The following ZNF140 variants were observed in gnomAD, a reference collection of about 807,000 sequenced individuals.
ZNF140 encodes the protein zinc finger protein 140 (clone pHZ-39).
A neutral mutation model predicts 12.9 loss-of-function variants in ZNF140; 13 were observed. The ratio of observed to expected loss-of-function variants is 1.01; its 90% CI spans 0.66 to 1.60. The LOEUF is 1.60. ZNF140 is among the 40% of genes most tolerant of loss of function. The pLI, the probability that ZNF140 is intolerant of heterozygous loss-of-function variation, is 0.00. For synonymous variants in ZNF140, 214 were observed against 186.7 expected (o/e 1.15, Z -1.19); for missense variants, 531 against 548.8 (o/e 0.97, Z 0.32).
chr12:133,101,342 C>A (rs1397045492), intron 4 of ZNF140, among the ~76,000 whole-genome samples: 1 of 151,812 alleles, frequency 6.6e-6, no homozygotes, highest in African/African-American at 2.4e-5. Context: ...TAATCTGTTC[C>A]TTTTTTTTCC....
intron 4 of ZNF140, among the ~76,000 whole-genome samples, chr12:133,099,904 T>G (rs1955273322): frequency 6.6e-6 from 1 of 151,768 alleles, no homozygotes; most frequent in Non-Finnish European, 1.5e-5. Flanking sequence ...AAGGATAATC[T>G]CACAGGCTAC....
At chr12:133,086,289 AC>A (rs1483939631) in intron 4 of ZNF140, among the ~76,000 whole-genome samples, 1 of 152,140 alleles carries the variant, frequency 6.6e-6, no homozygotes, top group Admixed American at 6.5e-5. Flanking sequence ...TTTTCCAAAG[AC>A]CCTTGACTGA....
chr12:133,100,110 AGAGT>A (rs1955282947), intron 4 of ZNF140, among the ~76,000 whole-genome samples: 1 of 142,722 alleles, frequency 7.0e-6, no homozygotes, highest in South Asian at 2.4e-4. Context: ...GCCATTGGTT[AGAGT>A]ATGTTTCTGT....
At position 133,102,619 on chromosome 12, in the gene ZNF140, T is replaced by C. The variant is rs112425962; in HGVS notation, c.233-2891T>C. 4.2e-3 allele frequency among the ~76,000 whole-genome samples: 642 copies of C among 152,104 alleles called. 4 individuals are homozygous for C. Among genetic ancestry groups the C allele is most frequent in the African/African-American group, 0.015 (616 of 41,494 alleles). On this transcript the variant is annotated intron_variant, in intron 4 of 4. Transcript: ENST00000355557. ...AAACCATTAGCCAGGCGTGGCAGCG[T>C]GTGCCTGTAGTCCCAGCTACTCGGG...
Position 133,105,497 on chromosome 12 carries a change from TGGTA to T in ZNF140, c.233-12_233-9del. 1 of 1,563,186 alleles carries T rather than the reference TGGTA, an allele frequency of 6.4e-7. No individual in the cohort carries two copies. The highest frequency in any genetic ancestry group is 2.1e-5 in the Admixed American group (1 of 48,578). On this transcript the variant is annotated splice_polypyrimidine_tract_variant and intron_variant, in intron 4 of 4. Coordinates refer to ENST00000355557, the MANE Select transcript of ZNF140 (RefSeq NM_003440.4). ...GAAAAAGAAACATTCACTTTTTTTT[TGGTA>T]TCTTTCAGTTTCAGAGTCAAGTGGT...
intron 4 of ZNF140, among the ~76,000 whole-genome samples, chr12:133,105,085 A>G (rs1485962416): frequency 6.6e-6 from 1 of 152,162 alleles, no homozygotes; most frequent in Admixed American, 6.5e-5. Context: ...TTAGATTATT[A>G]TAAGATGTTC....
chr12:133,106,011 A>C lies in ZNF140; in HGVS notation c.734A>C (p.Tyr245Ser). Residue 245 changes from tyrosine (Y) to serine (S), a missense_variant, in exon 5 of 5, where the codon TAT becomes TCT. By Grantham distance (144) the Tyr-to-Ser change is moderately radical (BLOSUM62 -2). Coordinates refer to ENST00000355557, the MANE Select transcript of ZNF140 (RefSeq NM_003440.4). ...AGAACGCACACTGGGGAGAAACCTT[A>C]TGAATGTACTGAGTGTGGAAAGGCC... ...HQRTHTGEKP[Y>S]ECTECGKAFS... 1 of 1,614,182 alleles carries C rather than the reference A, an allele frequency of 6.2e-7. No homozygotes were observed. Among genetic ancestry groups the C allele is most frequent in the East Asian group, 2.2e-5 (1 of 44,890 alleles).
At chr12:133,104,847 G>A (rs1366910316) in intron 4 of ZNF140, among the ~76,000 whole-genome samples, 1 of 152,110 alleles carries the variant, frequency 6.6e-6, no homozygotes, top group Non-Finnish European at 1.5e-5. Flanking sequence ...CATGTTACAT[G>A]AGCAAATTGT....
chr12:133,087,573 T>C (rs1268377380), intron 4 of ZNF140, among the ~76,000 whole-genome samples: 1 of 151,264 alleles, frequency 6.6e-6, no homozygotes, highest in African/African-American at 2.4e-5. Flanking sequence ...CTATAACTAG[T>C]TGTTATCAAT....
chr12:133,082,956 T>G, intron 2 of ZNF140, 147 bp from the exon 3 acceptor site: 1 of 1,188,904 alleles, frequency 8.4e-7, no homozygotes, highest in Non-Finnish European at 1.2e-6. Flanking sequence ...AGGCTCTTCA[T>G]TATATAATTA....
At chr12:133,085,768 A>G (rs1954653844) in intron 4 of ZNF140, among the ~76,000 whole-genome samples, 5 of 152,186 alleles carry the variant, frequency 3.3e-5, no homozygotes, top group Admixed American at 6.5e-5. Context: ...TATAATTCCA[A>G]TACTTTGGGA....
rs1005646316 is a variant in ZNF140 at position 133,091,009 on chromosome 12, G to A, written c.232+7448G>A. ...CAAATGTACAATCGGGTTTTATACC[G>A]AGACATTCAGTTCCCAGGGGCAGAC... On this transcript the variant is annotated intron_variant, in intron 4 of 4. Transcript: ENST00000355557. Among the ~76,000 whole-genome samples, 70 of 148,860 alleles carry A rather than the reference G, an allele frequency of 4.7e-4. 1 individual carries two copies. The highest frequency in any genetic ancestry group is 3.4e-3 in the Middle Eastern group (1 of 294).
intron 1 of ZNF140, 84 bp downstream of exon 1, chr12:133,081,156 G>C (rs1282993899): frequency 4.9e-5 from 16 of 325,562 alleles, no homozygotes; most frequent in African/African-American, 2.4e-4. Context: ...AGGGCGCCCT[G>C]CTCTCTACGT....
At chr12:133,103,601 C>A (rs950547147) in intron 4 of ZNF140, among the ~76,000 whole-genome samples, 4 of 151,752 alleles carry the variant, frequency 2.6e-5, no homozygotes, top group African/African-American at 2.4e-5. Context: ...TTTTTAATGT[C>A]CAGGTTCACT....
chr12:133,081,371 A>ATATATATATAT (rs1593734785), intron 2 of ZNF140, 42 bp downstream of exon 2: 3,274 of 251,016 alleles, frequency 0.013, 143 homozygotes, highest in African/African-American at 0.042. Flanking sequence ...ATATATATAT[A>ATATATATATAT]AATTTTTATT....
chr12:133,097,162 C>T (rs1207233336), intron 4 of ZNF140, among the ~76,000 whole-genome samples: 3 of 152,164 alleles, frequency 2.0e-5, no homozygotes, highest in Admixed American at 6.5e-5. Context: ...AATTTAGCTA[C>T]GTCTCTTTCT....
At chr12:133,085,752 C>T (rs1954653202) in intron 4 of ZNF140, among the ~76,000 whole-genome samples, 2 of 152,224 alleles carry the variant, frequency 1.3e-5, no homozygotes, top group African/African-American at 4.8e-5. Flanking sequence ...CATGGTGGCT[C>T]ATGCCTATAA....
At chr12:133,090,830 A>AG (rs1231064010) in intron 4 of ZNF140, among the ~76,000 whole-genome samples, 7 of 129,704 alleles carry the variant, frequency 5.4e-5, no homozygotes, top group South Asian at 4.9e-4. Flanking sequence ...ATTAGGTTTA[A>AG]GGGAAGGTAC....
intron 4 of ZNF140, among the ~76,000 whole-genome samples, chr12:133,095,904 T>TC (rs1955089152): frequency 2.0e-5 from 3 of 151,976 alleles, no homozygotes; most frequent in Admixed American, 2.0e-4. Context: ...GTTTTGCTAC[T>TC]ATCTCAGAAT....
Sources: gnomAD v4.1 joint callset for allele counts (sites outside exome capture counted in the v4.1 genomes callset) on GRCh38, gnomAD v4.1.1 for gene constraint, MANE v1.5 for transcripts, NCBI Gene and HGNC (gene_info 2026-07-23, HGNC 2026-07-21) for gene names.